Variants in HAO1 observed in about 807,000 individuals in gnomAD.
The protein encoded by HAO1 is hydroxyacid oxidase 1, also known as 2-Hydroxyacid oxidase 1.
A neutral mutation model predicts 39.7 loss-of-function variants in HAO1; 34 were observed. The observed-to-expected ratio is 0.86, with a 90% CI of 0.65 to 1.14. The LOEUF is 1.14. Among genes scored for constraint, HAO1 ranks in the 50% most tolerant of loss-of-function variants. The probability of loss-of-function intolerance (pLI) is 0.00; values close to 1 mark genes in which losing one functional copy is unlikely to be tolerated. For missense variants in HAO1, 479 were observed against 464.5 expected, an observed-to-expected ratio of 1.03 and a Z score of -0.29; for synonymous variants, 172 against 173.2, an observed-to-expected ratio of 0.99 and a Z score of 0.05.
chr20:7,906,103 C>G (rs775389428), intron 4 of HAO1, 51 bp downstream of exon 4: 2 of 1,232,996 alleles, frequency 1.6e-6, no homozygotes, highest in East Asian at 4.6e-5. Flanking sequence ...ATGAACGTAT[C>G]CACAAAGGAT....
intron 2 of HAO1, among the ~76,000 whole-genome samples, chr20:7,921,875 G>A (rs948601007): frequency 3.0e-4 from 46 of 152,082 alleles, no homozygotes; most frequent in African/African-American, 1.1e-3. Context: ...AATACCACAT[G>A]TTGTCACTTA....
chr20:7,938,446 A>C (rs2050423946), intron 1 of HAO1, among the ~76,000 whole-genome samples: 1 of 152,120 alleles, frequency 6.6e-6, no homozygotes, highest in Admixed American at 6.5e-5. Flanking sequence ...TGACACTGCA[A>C]ATTCATTTTC....
chr20:7,903,858 CGGTGGTGGTGGTGGTGGTGGT>C (rs10585629), intron 4 of HAO1, among the ~76,000 whole-genome samples: 19 of 57,616 alleles, frequency 3.3e-4, no homozygotes, highest in East Asian at 2.2e-3. Context: ...ATTGTGGTAG[CGGTGGTGGTGGTGGTGGTGGT>C]GGTGGTGGTG....
At chr20:7,902,492 A>G (rs1051405921) in intron 4 of HAO1, among the ~76,000 whole-genome samples, 1 of 152,212 alleles carries the variant, frequency 6.6e-6, no homozygotes, top group Admixed American at 6.5e-5. Context: ...TTTTTTAGGC[A>G]TAATGCTGTT....
At chr20:7,890,162 C>G (rs760844822) in intron 5 of HAO1, among the ~76,000 whole-genome samples, 3 of 152,088 alleles carry the variant, frequency 2.0e-5, no homozygotes, top group Non-Finnish European at 2.9e-5. Flanking sequence ...AAGCAAGTAT[C>G]TCCCCTCATG....
chr20:7,884,634 A>C (rs1002156422), intron 7 of HAO1, among the ~76,000 whole-genome samples: 1 of 152,186 alleles, frequency 6.6e-6, no homozygotes, highest in Non-Finnish European at 1.5e-5. Flanking sequence ...CATATCTCAC[A>C]TAGTCAAGGG....
chr20:7,890,566 T>C (rs1394928838), intron 5 of HAO1, among the ~76,000 whole-genome samples: 1 of 152,124 alleles, frequency 6.6e-6, no homozygotes, highest in Non-Finnish European at 1.5e-5. Flanking sequence ...TTATTTTCCA[T>C]AAGTTATTGG....
rs559105454 is a variant in HAO1 at position 7,911,633 on chromosome 20, C to A, written c.545+2531G>T. ...ACATACATGTGTTTTGCATATGGAC[C>A]AAGCAGAGACTACCAAACCTCTGAA... On this transcript the variant is annotated intron_variant, in intron 3 of 7. Coordinates refer to ENST00000378789, the MANE Select transcript of HAO1 (RefSeq NM_017545.3). 1.1e-4 allele frequency among the ~76,000 whole-genome samples: 16 copies of A among 152,194 alleles called. No homozygotes were observed. The South Asian group carries it at 3.3e-3, about 32-fold the overall frequency.
intron 5 of HAO1, 68 bp downstream of exon 5, chr20:7,895,063 CAT>C: frequency 1.1e-6 from 1 of 942,760 alleles, no homozygotes. Context: ...AGGAGGAAGA[CAT>C]AGAGATAGTA....
At chr20:7,926,635 C>A (rs900106862) in intron 2 of HAO1, among the ~76,000 whole-genome samples, 1 of 152,072 alleles carries the variant, frequency 6.6e-6, no homozygotes, top group African/African-American at 2.4e-5. Flanking sequence ...TCACCTACAC[C>A]CTAATGCAGT....
intron 3 of HAO1, among the ~76,000 whole-genome samples, chr20:7,910,544 G>T (rs75724129): frequency 1.3e-5 from 2 of 152,010 alleles, no homozygotes; most frequent in African/African-American, 4.8e-5. Flanking sequence ...GATACCCCCT[G>T]CTTTCCCTGG....
chr20:7,917,583 T>C (rs1418877153), intron 2 of HAO1, among the ~76,000 whole-genome samples: 3 of 152,028 alleles, frequency 2.0e-5, no homozygotes, highest in African/African-American at 7.2e-5. Flanking sequence ...CTGCCATGCA[T>C]TGGGAAGGCA....
intron 5 of HAO1, among the ~76,000 whole-genome samples, chr20:7,887,353 A>G (rs1407901365): frequency 1.3e-5 from 2 of 152,156 alleles, no homozygotes; most frequent in Non-Finnish European, 2.9e-5. Context: ...GAAATCACTC[A>G]GAGGTTATCC....
chr20:7,913,783 T>G (rs776993149), intron 3 of HAO1, among the ~76,000 whole-genome samples: 7 of 152,202 alleles, frequency 4.6e-5, no homozygotes, highest in Non-Finnish European at 1.0e-4. Flanking sequence ...TCTTCAATCT[T>G]CTTAGCCTTA....
At chr20:7,890,963 T>C (rs2050171601) in intron 5 of HAO1, among the ~76,000 whole-genome samples, 1 of 152,216 alleles carries the variant, frequency 6.6e-6, no homozygotes, top group African/African-American at 2.4e-5. Context: ...GGCTTTTGGG[T>C]TGGTTCCACG....
chr20:7,902,046 T>G (rs1043180659), intron 4 of HAO1, among the ~76,000 whole-genome samples: 2 of 152,226 alleles, frequency 1.3e-5, no homozygotes, highest in African/African-American at 4.8e-5. Context: ...AGTTTCTTCT[T>G]ATGATGAGCA....
At chr20:7,887,032 TCAGTAG>T (rs1232896617) in intron 5 of HAO1, among the ~76,000 whole-genome samples, 1 of 152,170 alleles carries the variant, frequency 6.6e-6, no homozygotes, top group Non-Finnish European at 1.5e-5. Context: ...CAAGCCTAGA[TCAGTAG>T]ACACTGGTCA....
intron 4 of HAO1, among the ~76,000 whole-genome samples, chr20:7,905,712 C>T (rs754595308): frequency 8.5e-5 from 13 of 152,146 alleles, no homozygotes; most frequent in African/African-American, 2.9e-4. Context: ...AAAACTAGTC[C>T]TAGCCATTTG....
At chr20:7,900,045 T>A in intron 4 of HAO1, among the ~76,000 whole-genome samples, 1 of 152,178 alleles carries the variant, frequency 6.6e-6, no homozygotes, top group East Asian at 1.9e-4. Flanking sequence ...CCCTTGGAGC[T>A]TTTGGCCTAG....
Sources: gnomAD v4.1 joint callset for allele counts (sites outside exome capture counted in the v4.1 genomes callset) on GRCh38, gnomAD v4.1.1 for gene constraint, MANE v1.5 for transcripts, NCBI Gene and HGNC (gene_info 2026-07-23, HGNC 2026-07-21) for gene names.